MMP26: variants seen among roughly 807,000 people sequenced by gnomAD.
MMP26 encodes the protein matrix metallopeptidase 26.
Under a neutral mutation model 31.0 loss-of-function variants are expected in MMP26, and 33 were observed. The observed-to-expected ratio is 1.06, with a 90% confidence interval of 0.81 to 1.42. MMP26 has a LOEUF of 1.42. MMP26 is among the 40% of genes most tolerant of loss of function. The pLI is 0.00. For missense variants in MMP26, 347 were observed against 316.1 expected (o/e 1.10, Z -0.74); for synonymous variants, 122 against 114.9 (o/e 1.06, Z -0.40).
intron 2 of MMP26, among the ~76,000 whole-genome samples, chr11:4,968,466 G>C (rs1442388788): frequency 6.6e-6 from 1 of 151,548 alleles, no homozygotes; most frequent in Non-Finnish European, 1.5e-5. Flanking sequence ...TTTTGGAAAG[G>C]CAACATTTTC....
chr11:4,795,886 A>T (rs1035977363), intron 2 of MMP26, among the ~76,000 whole-genome samples: 4 of 151,978 alleles, frequency 2.6e-5, no homozygotes, highest in African/African-American at 9.7e-5. Context: ...ACAATCAGCC[A>T]CATTATTCTT....
intron 2 of MMP26, chr11:4,908,550 T>C (rs1850943169): frequency 3.8e-6 from 2 of 525,822 alleles, no homozygotes; most frequent in Admixed American, 6.4e-5. Context: ...AATACTTCTG[T>C]GATGGAGCAG....
intron 2 of MMP26, among the ~76,000 whole-genome samples, chr11:4,880,082 G>A (rs1850437287): frequency 2.0e-5 from 3 of 152,100 alleles, no homozygotes; most frequent in Admixed American, 1.3e-4. Context: ...GCAGGGTTTG[G>A]GGGTAAGTCT....
At chr11:4,901,786 A>C (rs1026754769) in intron 2 of MMP26, among the ~76,000 whole-genome samples, 2 of 152,124 alleles carry the variant, frequency 1.3e-5, no homozygotes, top group African/African-American at 4.8e-5. Context: ...TGTTTTGACA[A>C]GAATGCCAAT....
chr11:4,877,843 CAT>C (rs1398986469), intron 2 of MMP26: 1 of 152,106 alleles, frequency 6.6e-6, no homozygotes, highest in African/African-American at 2.4e-5. Context: ...CTTGATAAAA[CAT>C]AAACATTTAT....
chr11:4,965,092 T>G (rs954409198), intron 2 of MMP26, among the ~76,000 whole-genome samples: 1 of 152,158 alleles, frequency 6.6e-6, no homozygotes, highest in African/African-American at 2.4e-5. Flanking sequence ...TTAAAGTTGA[T>G]TATCCAACAA....
At chr11:4,895,886 C>A (rs771302397) in intron 2 of MMP26, among the ~76,000 whole-genome samples, 1 of 152,178 alleles carries the variant, frequency 6.6e-6, no homozygotes, top group Non-Finnish European at 1.5e-5. Context: ...CACTGCACTC[C>A]AGGCTGAGTG....
chr11:4,714,620 A>T (rs2133268473), intron 1 of MMP26, among the ~76,000 whole-genome samples: 1 of 152,298 alleles, frequency 6.6e-6, no homozygotes, highest in South Asian at 2.1e-4. Flanking sequence ...GTGGAATCTG[A>T]TGTAAAGTGC....
intron 2 of MMP26, among the ~76,000 whole-genome samples, chr11:4,824,149 A>G (rs1365443988): frequency 6.6e-6 from 1 of 152,244 alleles, no homozygotes; most frequent in East Asian, 1.9e-4. Flanking sequence ...CTCATATTCA[A>G]TTAATGGGTA....
At chr11:4,903,549 C>G (rs1258369503) in intron 2 of MMP26, among the ~76,000 whole-genome samples, 3 of 152,056 alleles carry the variant, frequency 2.0e-5, no homozygotes, top group Admixed American at 2.0e-4. Flanking sequence ...TCTTCAACTT[C>G]AAATGTTTAC....
rs148411990 is a variant in MMP26, at chr11:4,841,155, G to A, written c.-145+73814G>A. On this transcript the variant is annotated intron_variant, in intron 2 of 7. Coordinates refer to ENST00000380390, the MANE Select transcript of MMP26 (RefSeq NM_021801.5). ...AAAAAAGAATAAAAAACAACAAAGC[G>A]TACTTACAGGATCCAGAAAATAGCC... Among the ~76,000 whole-genome samples the A allele has an allele frequency of 9.1e-4, 138 of 152,126 alleles. 1 individual carries two copies. The East Asian group carries it at 0.018, about 20-fold the overall frequency.
intron 2 of MMP26, among the ~76,000 whole-genome samples, chr11:4,873,606 A>G (rs1053885084): frequency 2.6e-4 from 39 of 152,154 alleles, no homozygotes; most frequent in Non-Finnish European, 5.3e-4. Flanking sequence ...CTTTAGAATT[A>G]CATAAATAGA....
chr11:4,723,107 A>T lies in MMP26; in HGVS notation c.-217+18062A>T, dbSNP rs376579504. ...CGGCATGTTCTGCTTGGCCCGCTGC[A>T]GGGCGGCCTCCAGCTCGGACAGCTT... is the stretch of plus-strand genomic sequence containing the variant. On this transcript the variant is annotated intron_variant, in intron 1 of 7. Coordinates refer to ENST00000380390, the MANE Select transcript of MMP26 (RefSeq NM_021801.5). 666 of 1,541,816 alleles carry T rather than the reference A, an allele frequency of 4.3e-4. 8 individuals are homozygous for T. The South Asian group carries it at 7.1e-3, about 16-fold the overall frequency.
chr11:4,909,164 T>C (rs1276155643), intron 2 of MMP26: 1 of 152,128 alleles, frequency 6.6e-6, no homozygotes, highest in East Asian at 1.9e-4. Flanking sequence ...GCCCCTCTAA[T>C]ATGTTCTTAA....
intron 2 of MMP26, among the ~76,000 whole-genome samples, chr11:4,768,632 G>A (rs1433915): frequency 0.19 from 28,247 of 152,044 alleles, 3,995 homozygotes; most frequent in African/African-American, 0.4. Context: ...GTAATATATC[G>A]CTAATAGTAA....
At chr11:4,769,172 G>T in intron 2 of MMP26, 1 of 1,614,084 alleles carries the variant, frequency 6.2e-7, no homozygotes, top group Non-Finnish European at 8.5e-7. Context: ...GAAAGCAACT[G>T]CTCCCACATG....
chr11:4,723,076 C>T, intron 1 of MMP26: 1 of 1,285,160 alleles, frequency 7.8e-7, no homozygotes, highest in Non-Finnish European at 1.1e-6. Flanking sequence ...ACCCATGCAG[C>T]TGTCACGGCA....
chr11:4,788,737 G>T (rs1848981436), intron 2 of MMP26, among the ~76,000 whole-genome samples: 1 of 151,964 alleles, frequency 6.6e-6, no homozygotes, highest in African/African-American at 2.4e-5. Flanking sequence ...ATGAGAGTTG[G>T]GCTCAAAAAC....
chr11:4,766,882 T>C (rs1369239812), intron 1 of MMP26, among the ~76,000 whole-genome samples: 1 of 152,066 alleles, frequency 6.6e-6, no homozygotes, highest in South Asian at 2.1e-4. Context: ...CGATGAGTGC[T>C]TATTGTGATA....
Sources: allele counts gnomAD v4.1 joint callset (sites outside exome capture counted in the v4.1 genomes callset), GRCh38; gene constraint gnomAD v4.1.1; transcripts MANE v1.5; gene names NCBI Gene and HGNC (gene_info 2026-07-23, HGNC 2026-07-21).